The following RNF24 variants were observed in gnomAD, a reference collection of about 807,000 sequenced individuals.
RNF24 encodes ring finger protein 24.
RNF24 carries 14 observed loss-of-function variants against 20.0 expected under a neutral mutation model. That is an observed-to-expected ratio of 0.70 (90% CI 0.46 to 1.10). The LOEUF is 1.10. RNF24 is among the 50% of genes least tolerant of loss of function. RNF24 has a pLI of 0.00. For missense variants in RNF24, 124 were observed against 177.6 expected (o/e 0.70, Z 1.71); for synonymous variants, 45 against 61.1 (o/e 0.74, Z 1.23).
intron 1 of RNF24, among the ~76,000 whole-genome samples, chr20:3,982,593 A>AAT (rs1979517863): frequency 6.7e-6 from 1 of 148,250 alleles, no homozygotes; most frequent in Admixed American, 6.7e-5. Flanking sequence ...AAAAAAAAAA[A>AAT]AAAGAGGTGG....
chr20:4,006,433 C>G (rs1981882586), intron 1 of RNF24, among the ~76,000 whole-genome samples: 1 of 151,592 alleles, frequency 6.6e-6, no homozygotes, highest in Non-Finnish European at 1.5e-5. Context: ...AAAAATTTTC[C>G]TAATTCAAAT....
intron 1 of RNF24, among the ~76,000 whole-genome samples, chr20:4,005,064 T>C (rs1382158414): frequency 6.6e-6 from 1 of 152,238 alleles, no homozygotes; most frequent in Non-Finnish European, 1.5e-5. Context: ...GACTGTATTC[T>C]TGTGAAAAGT....
chr20:4,001,441 C>T (rs1305538395), intron 1 of RNF24, among the ~76,000 whole-genome samples: 1 of 152,076 alleles, frequency 6.6e-6, no homozygotes, highest in Admixed American at 6.5e-5. Flanking sequence ...TCATCAAGTG[C>T]TTCTTACCAC....
At chr20:3,998,464 A>G (rs1295419763) in intron 1 of RNF24, among the ~76,000 whole-genome samples, 1 of 150,068 alleles carries the variant, frequency 6.7e-6, no homozygotes, top group African/African-American at 2.4e-5. Flanking sequence ...AGTCCCAGCT[A>G]CTTGGGAGGC....
intron 1 of RNF24, among the ~76,000 whole-genome samples, chr20:3,997,897 A>G (rs890538233): frequency 6.6e-6 from 1 of 152,252 alleles, no homozygotes; most frequent in Admixed American, 6.5e-5. Flanking sequence ...TACATTCAGC[A>G]CTAATTAAGT....
At chr20:3,945,890 T>C (rs1057089668) in intron 3 of RNF24, among the ~76,000 whole-genome samples, 1 of 152,084 alleles carries the variant, frequency 6.6e-6, no homozygotes, top group Non-Finnish European at 1.5e-5. Context: ...GTGAAGAAAA[T>C]AGGCAAGTAA....
At chr20:3,948,095 T>A in intron 3 of RNF24, 142 bp downstream of exon 3, 1 of 631,856 alleles carries the variant, frequency 1.6e-6, no homozygotes, top group Non-Finnish European at 2.7e-6. Flanking sequence ...GAAGTTGATA[T>A]ATTATACTGC....
In RNF24 at chr20:3,998,127, G is replaced by A. The variant is rs575772398; in HGVS notation, c.-8+17310C>T. Among the ~76,000 whole-genome samples, 7 of 152,278 alleles carry A rather than the reference G, an allele frequency of 4.6e-5. No individual in the cohort carries two copies. The South Asian group carries it at 1.2e-3, about 27-fold the overall frequency. ...CCTGAAATAAAATACTTAGCATTCA[G>A]CCCATCAAGCTCACATAAGAATAAA... On this transcript the variant is annotated intron_variant, in intron 1 of 5. Coordinates refer to ENST00000358395, the MANE Select transcript of RNF24 (RefSeq NM_001134337.3).
intron 4 of RNF24, among the ~76,000 whole-genome samples, chr20:3,942,854 T>C (rs1319949211): frequency 6.6e-6 from 1 of 151,960 alleles, no homozygotes; most frequent in Non-Finnish European, 1.5e-5. Context: ...TTCATTCTTG[T>C]TGCCCATGCT....
At chr20:4,014,473 C>T (rs1270516207) in intron 1 of RNF24, among the ~76,000 whole-genome samples, 1 of 152,046 alleles carries the variant, frequency 6.6e-6, no homozygotes, top group Non-Finnish European at 1.5e-5. Flanking sequence ...GTGGAGTATT[C>T]CTATGTAGAC....
intron 1 of RNF24, among the ~76,000 whole-genome samples, chr20:3,995,200 T>C (rs1980764147): frequency 6.6e-6 from 1 of 152,134 alleles, no homozygotes; most frequent in African/African-American, 2.4e-5. Context: ...CACATCCACC[T>C]CTGGGGTGTG....
chr20:4,002,190 C>G (rs985063937), intron 1 of RNF24, among the ~76,000 whole-genome samples: 3 of 152,028 alleles, frequency 2.0e-5, no homozygotes, highest in African/African-American at 7.2e-5. Context: ...TCGAGACCAT[C>G]TTGGCTAACA....
chr20:3,954,691 T>G (rs1216023813), intron 2 of RNF24, among the ~76,000 whole-genome samples: 3 of 151,750 alleles, frequency 2.0e-5, no homozygotes, highest in Admixed American at 2.0e-4. Context: ...GATCATGAGG[T>G]CAGGAGTTCA....
intron 1 of RNF24, among the ~76,000 whole-genome samples, chr20:3,980,953 T>TTGTGTG (rs1418730146): frequency 6.8e-6 from 1 of 146,838 alleles, no homozygotes; most frequent in African/African-American, 2.5e-5. Context: ...GTTGCACAAT[T>TTGTGTG]TGTGTGTGTG....
chr20:3,952,277 A>G (rs1375949205), intron 2 of RNF24, among the ~76,000 whole-genome samples: 1 of 152,134 alleles, frequency 6.6e-6, no homozygotes, highest in Non-Finnish European at 1.5e-5. Context: ...CTTTATTTAC[A>G]GCTTTAATTT....
chr20:3,982,075 T>C (rs1367988053), intron 1 of RNF24, among the ~76,000 whole-genome samples: 1 of 143,970 alleles, frequency 6.9e-6, no homozygotes, highest in Non-Finnish European at 1.5e-5. Flanking sequence ...ACCACTGCAC[T>C]CCAGCCTGGG....
intron 1 of RNF24, among the ~76,000 whole-genome samples, chr20:4,006,324 G>A (rs1404461131): frequency 1.3e-5 from 2 of 151,160 alleles, no homozygotes; most frequent in East Asian, 3.9e-4. Context: ...AGCAGAAAGA[G>A]CACCACTGCA....
At chr20:3,997,464 T>C (rs1980978975) in intron 1 of RNF24, among the ~76,000 whole-genome samples, 1 of 151,896 alleles carries the variant, frequency 6.6e-6, no homozygotes. Context: ...TCTTGTTCTG[T>C]TGCCCAGGTT....
intron 1 of RNF24, among the ~76,000 whole-genome samples, chr20:3,969,104 T>TA (rs1444202588): frequency 6.6e-6 from 1 of 152,148 alleles, no homozygotes; most frequent in East Asian, 1.9e-4. Flanking sequence ...AACTATTTCA[T>TA]AAAGTTTTAA....
Sources: allele counts gnomAD v4.1 joint callset (sites outside exome capture counted in the v4.1 genomes callset), GRCh38; gene constraint gnomAD v4.1.1; transcripts MANE v1.5; gene names NCBI Gene and HGNC (gene_info 2026-07-23, HGNC 2026-07-21).